The following AGAP1 variants were observed in gnomAD, a reference collection of about 807,000 sequenced individuals.
AGAP1 encodes the protein arf-GAP with GTPase, ANK repeat and PH domain-containing protein 1.
A neutral mutation model predicts 105.3 loss-of-function variants in AGAP1; 29 were observed. The ratio of observed to expected loss-of-function variants is 0.28; its 90% CI spans 0.21 to 0.38. AGAP1 has a LOEUF of 0.38. AGAP1 is among the 10% of genes least tolerant of loss of function. The pLI is 1.00. For missense variants in AGAP1, 998 were observed against 1,165.1 expected, an observed-to-expected ratio of 0.86 and a Z score of 2.09; for synonymous variants, 509 against 485.9, an observed-to-expected ratio of 1.05 and a Z score of -0.63.
At chr2:236,041,237 C>T (rs1022624585) in intron 15 of AGAP1, among the ~76,000 whole-genome samples, 2 of 149,618 alleles carry the variant, frequency 1.3e-5, no homozygotes, top group African/African-American at 5.0e-5. Flanking sequence ...AGCTGGCTTA[C>T]TTTTTGCTTA....
intron 16 of AGAP1, among the ~76,000 whole-genome samples, chr2:236,110,987 G>C (rs1004693829): frequency 5.3e-5 from 8 of 152,178 alleles, no homozygotes; most frequent in African/African-American, 1.7e-4. Context: ...CGTGATAGAA[G>C]AGGCAAACCA....
At chr2:235,658,286 G>A (rs1330914032) in intron 1 of AGAP1, among the ~76,000 whole-genome samples, 1 of 152,076 alleles carries the variant, frequency 6.6e-6, no homozygotes, top group Admixed American at 6.6e-5. Flanking sequence ...TAGAAATAAC[G>A]GTGCTGCTAT....
rs920422205 is a variant in AGAP1, at chr2:235,724,217, T to G, written c.310+6573T>G. On this transcript the variant is annotated intron_variant, in intron 3 of 17. Transcript: ENST00000304032. This position sits in a 1 kb window ranked among gnomAD's most constrained non-coding sequence, Gnocchi z 4.9. Reference sequence around the variant, plus strand: ...GCTCCAAGGCTGAGGCAGCCCTGAATGTGCCTAGGCCAACAGCCAGCGAGC... The same window carrying G: ...GCTCCAAGGCTGAGGCAGCCCTGAAGGTGCCTAGGCCAACAGCCAGCGAGC... 3.3e-5 allele frequency among the ~76,000 whole-genome samples: 5 copies of G among 152,224 alleles called. No individual in the cohort carries two copies. The highest frequency in any genetic ancestry group is 2.0e-4 in the Admixed American group (3 of 15,288).
chr2:235,771,206 G>A (rs920961110), intron 6 of AGAP1, among the ~76,000 whole-genome samples: 4 of 152,224 alleles, frequency 2.6e-5, no homozygotes, highest in Non-Finnish European at 5.9e-5. Context: ...TTAAGTTTCT[G>A]TTGGGCCACT....
At chr2:235,915,027 C>T (rs964368857) in intron 11 of AGAP1, among the ~76,000 whole-genome samples, 1 of 152,116 alleles carries the variant, frequency 6.6e-6, no homozygotes, top group Non-Finnish European at 1.5e-5. Flanking sequence ...CAGCCCTGAC[C>T]GTAGGTGGTA....
intron 9 of AGAP1, among the ~76,000 whole-genome samples, chr2:235,838,994 C>T (rs909352371): frequency 1.3e-5 from 2 of 152,050 alleles, no homozygotes; most frequent in African/African-American, 4.8e-5. Context: ...TAAGCTAACG[C>T]GGGTGTACGT....
In AGAP1 at chr2:235,720,917, C is replaced by T. The variant is rs1951350413; in HGVS notation, c.310+3273C>T. Among the ~76,000 whole-genome samples the T allele has an allele frequency of 6.6e-6, 1 of 152,160 alleles. No individual in the cohort carries two copies. The highest frequency in any genetic ancestry group is 6.5e-5 in the Admixed American group (1 of 15,274). The stretch of plus-strand genomic sequence containing the variant: ...TTAGCTCCATCCCAGAGGGTAATAT[C>T]TGCTGTCTTTTCGTTGTATGATGCA... On this transcript the variant is annotated intron_variant, in intron 3 of 17. Coordinates refer to ENST00000304032, the MANE Select transcript of AGAP1 (RefSeq NM_001037131.3). This position sits in a 1 kb window ranked among gnomAD's most constrained non-coding sequence, Gnocchi z 5.0.
At chr2:235,940,739 G>C (rs1235779520) in intron 12 of AGAP1, among the ~76,000 whole-genome samples, 2 of 152,230 alleles carry the variant, frequency 1.3e-5, no homozygotes, top group East Asian at 3.8e-4. Context: ...CCTAGCATCT[G>C]TCACTATCTG....
chr2:235,523,018 G>T (rs534983849), intron 1 of AGAP1, among the ~76,000 whole-genome samples: 1 of 152,152 alleles, frequency 6.6e-6, no homozygotes, highest in African/African-American at 2.4e-5. Flanking sequence ...TTTATGTCTC[G>T]CAGTTCTGGC....
At chr2:235,567,555 A>G (rs746586974) in intron 1 of AGAP1, among the ~76,000 whole-genome samples, 3 of 152,078 alleles carry the variant, frequency 2.0e-5, no homozygotes, top group East Asian at 1.9e-4. Flanking sequence ...CTGTCTTTTC[A>G]TGGGTCTCAG....
At chr2:236,031,779 C>G (rs573305564) in intron 13 of AGAP1, among the ~76,000 whole-genome samples, 2 of 152,080 alleles carry the variant, frequency 1.3e-5, no homozygotes, top group Non-Finnish European at 2.9e-5. Flanking sequence ...ATCCCTCTTC[C>G]ATCAGACAGA....
At chr2:235,518,830 A>G (rs1416947661) in intron 1 of AGAP1, among the ~76,000 whole-genome samples, 1 of 152,186 alleles carries the variant, frequency 6.6e-6, no homozygotes, top group Non-Finnish European at 1.5e-5. Context: ...TAAACTTCAC[A>G]TCTTGACTGG....
chr2:235,722,954 G>A (rs367549369), intron 3 of AGAP1, among the ~76,000 whole-genome samples: 1 of 152,216 alleles, frequency 6.6e-6, no homozygotes, highest in East Asian at 1.9e-4. Context: ...ACAAATTAGC[G>A]TTGGGCCGCA....
intron 13 of AGAP1, among the ~76,000 whole-genome samples, chr2:235,995,817 T>C (rs1189988317): frequency 1.3e-5 from 2 of 152,160 alleles, no homozygotes; most frequent in African/African-American, 4.8e-5. Flanking sequence ...GACCCTGTGG[T>C]GGTATTCCTT....
intron 13 of AGAP1, among the ~76,000 whole-genome samples, chr2:236,023,733 T>G (rs562030215): frequency 6.6e-6 from 1 of 152,324 alleles, no homozygotes; most frequent in African/African-American, 2.4e-5. Flanking sequence ...GCATGTCATC[T>G]CTGCACCGTT....
rs917913117 is a variant in AGAP1 at position 235,893,502 on chromosome 2, C to T, written c.1155+10053C>T. The stretch of plus-strand genomic sequence containing the variant: ...TCATAAGGGTGAGCCATGTTTGTGG[C>T]GTGGGTGTGGCATGTCCACGAGGGT... On this transcript the variant is annotated intron_variant, in intron 10 of 17. Transcript: ENST00000304032. This position sits in a 1 kb window ranked among gnomAD's most constrained non-coding sequence, Gnocchi z 4.7. Among the ~76,000 whole-genome samples the T allele has an allele frequency of 7.4e-4, 109 of 147,800 alleles. No homozygotes were observed. The highest frequency in any genetic ancestry group is 2.3e-3 in the African/African-American group (92 of 39,722).
chr2:236,084,062 G>A (rs1027721254), intron 16 of AGAP1, among the ~76,000 whole-genome samples: 2 of 152,130 alleles, frequency 1.3e-5, no homozygotes, highest in Non-Finnish European at 2.9e-5. Context: ...GAGGATTGGC[G>A]CTCTCTGTTC....
chr2:235,627,538 T>C (rs2149281028), intron 1 of AGAP1, among the ~76,000 whole-genome samples: 1 of 152,230 alleles, frequency 6.6e-6, no homozygotes, highest in Non-Finnish European at 1.5e-5. Context: ...TTGAGTTCTT[T>C]ATGTTGGGCA....
intron 1 of AGAP1, among the ~76,000 whole-genome samples, chr2:235,706,367 G>T (rs1399008222): frequency 2.0e-5 from 3 of 151,966 alleles, no homozygotes; most frequent in Admixed American, 6.5e-5. Flanking sequence ...TGGGACTACA[G>T]GCGCCCGCCA....
Sources: allele counts gnomAD v4.1 joint callset (sites outside exome capture counted in the v4.1 genomes callset), GRCh38; gene constraint gnomAD v4.1.1; non-coding constraint Gnocchi (gnomAD v3.1); transcripts MANE v1.5; gene names NCBI Gene and HGNC (gene_info 2026-07-23, HGNC 2026-07-21).